CDH18: variants seen among roughly 807,000 people sequenced by gnomAD.
CDH18 encodes cadherin 18.
Under a neutral mutation model 67.9 loss-of-function variants are expected in CDH18, and 31 were observed. The ratio of observed to expected loss-of-function variants is 0.46; its 90% CI spans 0.34 to 0.62. The LOEUF is 0.62. CDH18 is among the 20% of genes least tolerant of loss of function. The pLI is 0.01. For synonymous variants in CDH18, 362 were observed against 347.2 expected (o/e 1.04, Z -0.48); for missense variants, 890 against 975.5 (o/e 0.91, Z 1.17).
chr5:19,943,063 G>T (rs1054254207), intron 2 of CDH18, among the ~76,000 whole-genome samples: 1 of 152,110 alleles, frequency 6.6e-6, no homozygotes, highest in Non-Finnish European at 1.5e-5. Flanking sequence ...TAAAGAGACA[G>T]TTTTAGAAAC....
At chr5:19,714,910 G>A (rs989071304) in intron 5 of CDH18, among the ~76,000 whole-genome samples, 5 of 151,958 alleles carry the variant, frequency 3.3e-5, no homozygotes, top group African/African-American at 1.2e-4. Flanking sequence ...ATTATCAATA[G>A]GAATGGGTTA....
intron 1 of CDH18, among the ~76,000 whole-genome samples, chr5:20,490,331 A>C (rs1581099711): frequency 6.6e-6 from 1 of 152,188 alleles, no homozygotes; most frequent in East Asian, 1.9e-4. Flanking sequence ...TAATATCAAT[A>C]GCCAATGAGA....
intron 1 of CDH18, among the ~76,000 whole-genome samples, chr5:20,463,570 G>C (rs1751421865): frequency 6.6e-6 from 1 of 152,122 alleles, no homozygotes; most frequent in Non-Finnish European, 1.5e-5. Flanking sequence ...AAAACCATCA[G>C]ATCTCGTGAG....
chr5:19,832,250 C>A (rs916088161), intron 3 of CDH18, among the ~76,000 whole-genome samples: 1 of 151,870 alleles, frequency 6.6e-6, no homozygotes, highest in Non-Finnish European at 1.5e-5. Flanking sequence ...CCCTTTGAAT[C>A]TAAAATAAAG....
In CDH18 at chr5:19,859,989, GGTGTGTGTGT is replaced by G. The variant is rs3065070; in HGVS notation, c.-256-20757_-256-20748del. Among the ~76,000 whole-genome samples, 337 of 143,248 alleles carry G rather than the reference GGTGTGTGTGT, an allele frequency of 2.4e-3. 1 individual carries two copies. Among genetic ancestry groups the G allele is most frequent in the African/African-American group, 8.3e-3 (317 of 38,422 alleles). 94.0% of individuals were successfully genotyped at this position (143,248 alleles called of 152,430 possible). ...CTTATTAATTTACTTGTTTGCTTTGGGTGTGTGTGTGTGTGTGTGTGTGTGTGTGTGTGTT... is the reference window on the plus strand; with the variant it reads ...CTTATTAATTTACTTGTTTGCTTTGGGTGTGTGTGTGTGTGTGTGTGTGTT... On this transcript the variant is annotated intron_variant, in intron 2 of 12. Transcript: ENST00000382275.
chr5:20,527,793 C>G (rs1325865515), intron 1 of CDH18, among the ~76,000 whole-genome samples: 3 of 152,038 alleles, frequency 2.0e-5, no homozygotes, highest in Non-Finnish European at 4.4e-5. Flanking sequence ...CCATTGCCAG[C>G]CATTACAAAA....
chr5:20,353,413 A>G (rs1424428099), intron 1 of CDH18, among the ~76,000 whole-genome samples: 1 of 152,234 alleles, frequency 6.6e-6, no homozygotes, highest in African/African-American at 2.4e-5. Context: ...TAATTAAAAT[A>G]CATTAATGAA....
At chr5:19,551,599 T>C (rs1450681738) in intron 8 of CDH18, among the ~76,000 whole-genome samples, 2 of 152,174 alleles carry the variant, frequency 1.3e-5, no homozygotes, top group African/African-American at 2.4e-5. Flanking sequence ...GGTTAAATGA[T>C]AGGCCTTCAT....
intron 2 of CDH18, chr5:19,877,919 A>C (rs889753248): frequency 1.3e-5 from 2 of 152,136 alleles, no homozygotes; most frequent in African/African-American, 2.4e-5. Flanking sequence ...GAAGCATTTC[A>C]GATAATATCT....
chr5:19,974,204 A>G (rs933160622), intron 2 of CDH18, among the ~76,000 whole-genome samples: 6 of 152,068 alleles, frequency 3.9e-5, no homozygotes, highest in African/African-American at 1.4e-4. Context: ...ATTTACTCAG[A>G]TGTCAGAAAC....
intron 1 of CDH18, among the ~76,000 whole-genome samples, chr5:20,313,559 T>C (rs1737189014): frequency 6.6e-6 from 1 of 152,100 alleles, no homozygotes; most frequent in African/African-American, 2.4e-5. Flanking sequence ...TGCAATTGTT[T>C]ATTATGTAAA....
chr5:19,546,982 T>C (rs1736441292), intron 8 of CDH18, among the ~76,000 whole-genome samples: 1 of 152,044 alleles, frequency 6.6e-6, no homozygotes, highest in Admixed American at 6.6e-5. Flanking sequence ...AACTCTAAAG[T>C]AAATCTTATT....
chr5:20,484,712 A>T (rs1753052576), intron 1 of CDH18, among the ~76,000 whole-genome samples: 1 of 152,074 alleles, frequency 6.6e-6, no homozygotes, highest in Non-Finnish European at 1.5e-5. Context: ...GAAAAGTTCC[A>T]GATGTTCTCA....
At chr5:19,509,185 C>T (rs984097659) in intron 10 of CDH18, among the ~76,000 whole-genome samples, 1 of 151,898 alleles carries the variant, frequency 6.6e-6, no homozygotes, top group African/African-American at 2.4e-5. Flanking sequence ...GTTCTTAACT[C>T]AGAAATAGAA....
intron 4 of CDH18, among the ~76,000 whole-genome samples, chr5:19,732,011 C>T (rs1416823618): frequency 6.6e-6 from 1 of 151,814 alleles, no homozygotes; most frequent in Non-Finnish European, 1.5e-5. Context: ...AATCAATTGA[C>T]CATCAGAGGA....
chr5:20,024,658 G>A (rs1738731305), intron 2 of CDH18, among the ~76,000 whole-genome samples: 1 of 152,160 alleles, frequency 6.6e-6, no homozygotes, highest in Admixed American at 6.5e-5. Flanking sequence ...GTGTTGACAT[G>A]ATAAGGGATA....
intron 2 of CDH18, among the ~76,000 whole-genome samples, chr5:20,017,732 C>T (rs1737999768): frequency 6.6e-6 from 1 of 152,096 alleles, no homozygotes; most frequent in Non-Finnish European, 1.5e-5. Context: ...GAAAGGGAAT[C>T]ACTAGGTAGG....
intron 1 of CDH18, among the ~76,000 whole-genome samples, chr5:20,416,046 C>A (rs576913024): frequency 4.6e-5 from 7 of 152,028 alleles, no homozygotes; most frequent in African/African-American, 1.2e-4. Flanking sequence ...AAGATAAGTA[C>A]GTTCTAGAAA....
chr5:20,164,807 T>C (rs1736164097), intron 2 of CDH18, among the ~76,000 whole-genome samples: 1 of 152,116 alleles, frequency 6.6e-6, no homozygotes, highest in Non-Finnish European at 1.5e-5. Context: ...CCTATTTACA[T>C]TAAAGACTTT....
Sources: gnomAD v4.1 joint callset for allele counts (sites outside exome capture counted in the v4.1 genomes callset) on GRCh38, gnomAD v4.1.1 for gene constraint, MANE v1.5 for transcripts, NCBI Gene and HGNC (gene_info 2026-07-23, HGNC 2026-07-21) for gene names.